Variants in FOXP1 observed in about 807,000 individuals in gnomAD.
FOXP1 encodes the protein forkhead box protein P1.
In FOXP1, 15 loss-of-function variants were observed where a neutral mutation model predicts 98.2. The ratio of observed to expected loss-of-function variants is 0.15; its 90% CI spans 0.10 to 0.24. The LOEUF is 0.24. Ranked by LOEUF, FOXP1 falls within the 10% of genes least tolerant of loss-of-function variation. The probability of loss-of-function intolerance (pLI) is 1.00; values close to 1 mark genes in which losing one functional copy is unlikely to be tolerated. For synonymous variants in FOXP1, 371 were observed against 314.5 expected (o/e 1.18, Z -1.90); for missense variants, 633 against 848.5 (o/e 0.75, Z 3.15).
rs2076249967 is a variant in FOXP1, at chr3:71,330,906, A to G, written c.-73+28244T>C. ...CAAAAATCCACAAGCAAACAAACAT[A>G]TAAGAAAATCAGGCCAGGCACAGTG... On this transcript the variant is annotated intron_variant, in intron 4 of 20. Coordinates refer to ENST00000649528, the MANE Select transcript of FOXP1 (RefSeq NM_001349338.3). 3.3e-5 allele frequency among the ~76,000 whole-genome samples: 5 copies of G among 152,254 alleles called. No homozygotes were observed. In the South Asian group the frequency reaches 6.2e-4, roughly 19 times the overall value.
chr3:71,067,069 T>C (rs1042925105), intron 7 of FOXP1, among the ~76,000 whole-genome samples: 2 of 151,996 alleles, frequency 1.3e-5, no homozygotes, highest in Non-Finnish European at 2.9e-5. Flanking sequence ...GAAGGCCCAC[T>C]GGGGAGGTGG....
Position 71,459,931 on chromosome 3 carries a change from C to CGTTTTTTTTTTTTTTTTTTTT in FOXP1, c.-168+33494_-168+33495insAAAAAAAAAAAAAAAAAAAAC, listed in dbSNP as rs1334419290. Among the ~76,000 whole-genome samples the CGTTTTTTTTTTTTTTTTTTTT allele has an allele frequency of 2.2e-5, 3 of 137,028 alleles. 1 individual carries two copies. 89.9% of individuals were successfully genotyped at this position (137,028 alleles called of 152,430 possible). On this transcript the variant is annotated intron_variant, in intron 3 of 20. Transcript: ENST00000649528. ...AAAATAATATATCAGGCCCCATCTTCTTTTTTTTTTTTCTTTTTTTAAGAT... is the reference window on the plus strand; with the variant it reads ...AAAATAATATATCAGGCCCCATCTTCGTTTTTTTTTTTTTTTTTTTTTTTTTTTTTTTTCTTTTTTTAAGAT...
chr3:71,064,565 G>A (rs1188730503), intron 7 of FOXP1, among the ~76,000 whole-genome samples: 1 of 151,876 alleles, frequency 6.6e-6, no homozygotes, highest in African/African-American at 2.4e-5. Flanking sequence ...GAGCAAGGGG[G>A]GTGGGGGGGT....
At chr3:71,332,130 G>A (rs2076362291) in intron 4 of FOXP1, 2 of 152,272 alleles carry the variant, frequency 1.3e-5, no homozygotes, top group Non-Finnish European at 2.9e-5. Context: ...TTCGCTGTTT[G>A]CAATAAATCT....
At chr3:71,013,444 G>A (rs1236795140) in intron 12 of FOXP1, among the ~76,000 whole-genome samples, 3 of 152,178 alleles carry the variant, frequency 2.0e-5, no homozygotes, top group Admixed American at 6.5e-5. Context: ...ACTTGCAAGG[G>A]AAGTGAAGGA....
chr3:71,512,585 T>C (rs900741388), intron 2 of FOXP1, among the ~76,000 whole-genome samples: 1 of 152,218 alleles, frequency 6.6e-6, no homozygotes, highest in Non-Finnish European at 1.5e-5. Context: ...CTTTCTACAA[T>C]GCAATCCAAC....
chr3:71,371,479 C>T (rs866952784), intron 3 of FOXP1, among the ~76,000 whole-genome samples: 3 of 152,316 alleles, frequency 2.0e-5, no homozygotes, highest in South Asian at 2.1e-4. Context: ...CCAACTGCTT[C>T]GCATCCATTT....
At chr3:71,412,271 G>T in intron 3 of FOXP1, among the ~76,000 whole-genome samples, 1 of 152,160 alleles carries the variant, frequency 6.6e-6, no homozygotes, top group African/African-American at 2.4e-5. Flanking sequence ...GCTTTGCCTG[G>T]AACTCCATGA....
intron 13 of FOXP1, among the ~76,000 whole-genome samples, chr3:70,998,987 C>T (rs570456229): frequency 6.6e-6 from 1 of 152,290 alleles, no homozygotes; most frequent in East Asian, 1.9e-4. Flanking sequence ...TTTATTTTAG[C>T]CCATCATTAA....
At chr3:71,467,158 C>T (rs1001389188) in intron 3 of FOXP1, among the ~76,000 whole-genome samples, 10 of 152,142 alleles carry the variant, frequency 6.6e-5, no homozygotes, top group Middle Eastern at 3.4e-3. Flanking sequence ...CAAACATACA[C>T]GTATATATAC....
At position 71,488,775 on chromosome 3, in the gene FOXP1, C is replaced by T. The variant is rs1179552649; in HGVS notation, c.-168+4651G>A. Among the ~76,000 whole-genome samples the T allele has an allele frequency of 2.0e-5, 3 of 152,178 alleles. No homozygotes were observed. The East Asian group carries it at 5.8e-4, about 29-fold the overall frequency. The stretch of plus-strand genomic sequence containing the variant: ...ATACAATCTGATAGGCAGCTGCCAG[C>T]ACTCATAACTGCTTATTAAATCTAG... On this transcript the variant is annotated intron_variant, in intron 3 of 20. Transcript: ENST00000649528.
intron 6 of FOXP1, among the ~76,000 whole-genome samples, chr3:71,184,594 A>C (rs1376731320): frequency 6.6e-6 from 1 of 152,202 alleles, no homozygotes; most frequent in Non-Finnish European, 1.5e-5. Flanking sequence ...TTCCAGGGAC[A>C]TACTGGGAAG....
chr3:71,577,775 A>C (rs948268053), intron 2 of FOXP1, among the ~76,000 whole-genome samples: 1 of 152,086 alleles, frequency 6.6e-6, no homozygotes, highest in Admixed American at 6.6e-5. Context: ...GGTGGGACTA[A>C]CTACCATCAA....
chr3:71,530,828 G>C (rs2043781582), intron 2 of FOXP1, among the ~76,000 whole-genome samples: 1 of 152,138 alleles, frequency 6.6e-6, no homozygotes, highest in African/African-American at 2.4e-5. Flanking sequence ...AGGGCCATGT[G>C]ACTACAGCCT....
rs60236784 is a variant in FOXP1, at chr3:70,958,431, C to G, written c.*816G>C. The G allele has an allele frequency of 6.8e-6, 3 of 443,544 alleles. No homozygotes were observed. The East Asian group carries it at 1.2e-4, about 18-fold the overall frequency. 27.5% of individuals were successfully genotyped at this position (443,544 alleles called of 1,614,324 possible). The stretch of plus-strand genomic sequence containing the variant: ...GAAAAAGACCAAAACGGAATGTTTT[C>G]TGACTTTAGAGAAACGTGGTGATGT... On this transcript the variant is annotated 3_prime_UTR_variant, in exon 21 of 21. Coordinates refer to ENST00000649528, the MANE Select transcript of FOXP1 (RefSeq NM_001349338.3).
chr3:71,098,485 C>G (rs933436819), intron 7 of FOXP1, among the ~76,000 whole-genome samples: 1 of 152,134 alleles, frequency 6.6e-6, no homozygotes, highest in Non-Finnish European at 1.5e-5. Flanking sequence ...AAGATTTAGG[C>G]AGGACTGACA....
chr3:71,144,606 G>A (rs187072149), intron 6 of FOXP1, among the ~76,000 whole-genome samples: 10 of 152,282 alleles, frequency 6.6e-5, no homozygotes, highest in Admixed American at 5.9e-4. Flanking sequence ...AAGTGTTCGG[G>A]ACCTGACAGA....
At chr3:71,030,797 T>C (rs1214970927) in intron 11 of FOXP1, among the ~76,000 whole-genome samples, 1 of 152,246 alleles carries the variant, frequency 6.6e-6, no homozygotes, top group Non-Finnish European at 1.5e-5. Context: ...CAGCTCTTGG[T>C]GTCAATTTTT....
At chr3:71,270,609 TAAC>T (rs565852739) in intron 5 of FOXP1, among the ~76,000 whole-genome samples, 87 of 152,324 alleles carry the variant, frequency 5.7e-4, no homozygotes, top group Non-Finnish European at 1.1e-3. Flanking sequence ...AATTTCGTCT[TAAC>T]AACCAAGAGG....
Sources: allele counts gnomAD v4.1 joint callset (sites outside exome capture counted in the v4.1 genomes callset), GRCh38; gene constraint gnomAD v4.1.1; transcripts MANE v1.5; gene names NCBI Gene and HGNC (gene_info 2026-07-23, HGNC 2026-07-21).